COL14A1: variants seen among roughly 807,000 people sequenced by gnomAD.
The protein encoded by COL14A1 is collagen type XIV alpha 1 chain, also known as collagen alpha-1(XIV) chain.
In COL14A1, 136 loss-of-function variants were observed where a neutral mutation model predicts 230.3. That is an observed-to-expected ratio of 0.59 (90% CI 0.51 to 0.68). The LOEUF (loss-of-function observed/expected upper bound fraction) is 0.68, where lower values mean the gene tolerates loss of function less well. Among genes scored for constraint, COL14A1 ranks in the 30% least tolerant of loss-of-function variants. COL14A1 has a pLI of 0.00. For synonymous variants in COL14A1, 792 were observed against 784.1 expected, an observed-to-expected ratio of 1.01 and a Z score of -0.17; for missense variants, 1,976 against 2,215.8, an observed-to-expected ratio of 0.89 and a Z score of 2.17.
intron 34 of COL14A1, among the ~76,000 whole-genome samples, chr8:120,297,250 C>A (rs1282256291): frequency 6.6e-6 from 1 of 151,802 alleles, no homozygotes; most frequent in Non-Finnish European, 1.5e-5. Flanking sequence ...GCTAAGCTTA[C>A]TCTTTAAGTA....
intron 19 of COL14A1, among the ~76,000 whole-genome samples, chr8:120,233,559 A>C (rs1818346858): frequency 6.6e-6 from 1 of 152,140 alleles, no homozygotes; most frequent in African/African-American, 2.4e-5. Flanking sequence ...TCCCAACACC[A>C]TTTATTAAAT....
chr8:120,365,675 T>C (rs1291624412), intron 45 of COL14A1, among the ~76,000 whole-genome samples: 1 of 152,228 alleles, frequency 6.6e-6, no homozygotes, highest in Non-Finnish European at 1.5e-5. Context: ...GATGAGATGG[T>C]ATTTTTACTT....
At chr8:120,345,220 G>A (rs1041920756) in intron 44 of COL14A1, among the ~76,000 whole-genome samples, 155 bp from the exon 45 acceptor site, 1 of 152,130 alleles carries the variant, frequency 6.6e-6, no homozygotes. Flanking sequence ...GTAAAAAAAT[G>A]TTAAGCTGGA....
chr8:120,281,268 T>C (rs180732343), intron 31 of COL14A1, among the ~76,000 whole-genome samples: 98 of 152,128 alleles, frequency 6.4e-4, no homozygotes, highest in African/African-American at 2.3e-3. Context: ...TGAGACAACA[T>C]ATAAAAATGA....
At chr8:120,275,076 T>C (rs934829764) in intron 26 of COL14A1, among the ~76,000 whole-genome samples, 25 of 151,722 alleles carry the variant, frequency 1.6e-4, no homozygotes, top group African/African-American at 5.6e-4. Context: ...AGGCATCACA[T>C]TACCTGACTT....
intron 1 of COL14A1, among the ~76,000 whole-genome samples, chr8:120,139,184 A>G (rs1452064044): frequency 6.6e-6 from 1 of 152,232 alleles, no homozygotes; most frequent in Non-Finnish European, 1.5e-5. Context: ...TCTTCTACAT[A>G]AAACTCTTCT....
chr8:120,193,223 T>C lies in COL14A1; in HGVS notation c.437-3568T>C, dbSNP rs987748887. On this transcript the variant is annotated intron_variant, in intron 5 of 47. Coordinates refer to ENST00000297848, the MANE Select transcript of COL14A1 (RefSeq NM_021110.4). ...TGATGGTGATGTACGGATAGGTTTTTGGTGTGGATGTCCTTTCTGTTTGTT... is the reference window on the plus strand; with the variant it reads ...TGATGGTGATGTACGGATAGGTTTTCGGTGTGGATGTCCTTTCTGTTTGTT... Among the ~76,000 whole-genome samples, 15 of 152,312 alleles carry C rather than the reference T, an allele frequency of 9.8e-5. No individual in the cohort carries two copies. The South Asian group carries it at 1.2e-3, about 13-fold the overall frequency.
intron 5 of COL14A1, among the ~76,000 whole-genome samples, chr8:120,169,224 G>A (rs1232909749): frequency 1.3e-5 from 2 of 152,116 alleles, no homozygotes; most frequent in Admixed American, 6.6e-5. Context: ...CTGTAACAAC[G>A]TATTTCTAAC....
chr8:120,168,149 C>T lies in COL14A1; in HGVS notation c.350-12C>T, dbSNP rs1334456540. 2.0e-5 allele frequency: 32 copies of T among 1,585,698 alleles called. No individual in the cohort carries two copies. Among genetic ancestry groups the T allele is most frequent in the Non-Finnish European group, 2.7e-5 (31 of 1,157,124 alleles). On this transcript the variant is annotated splice_polypyrimidine_tract_variant and intron_variant, in intron 4 of 47. Coordinates refer to ENST00000297848, the MANE Select transcript of COL14A1 (RefSeq NM_021110.4). ...AGTATAACATGGTGCTGTATCTCTACTTTTCTTCCAGTTAAAGATTTAGAA... is the reference window on the plus strand; with the variant it reads ...AGTATAACATGGTGCTGTATCTCTATTTTTCTTCCAGTTAAAGATTTAGAA...
Position 120,262,916 on chromosome 8 carries a change from G to T in COL14A1, c.2918G>T (p.Cys973Phe), listed in dbSNP as rs146775872. 1 of 1,613,480 alleles carries T rather than the reference G, an allele frequency of 6.2e-7. No homozygotes were observed. The highest frequency in any genetic ancestry group is 1.3e-5 in the African/African-American group (1 of 74,866). ...GTGGGTGGAGGGACAACCAGGCATT[G>T]CTTCTATGGACTTCAGCCTGATTCT... The part of the protein sequence containing the change: ...STVGGGTTRH[C>F]FYGLQPDSEY... The change falls in exon 24 of 48, where the codon TGC becomes TTC. Residue 973 changes from cysteine to phenylalanine, a missense_variant. Physicochemically the swap from Cys to Phe is radical, Grantham distance 205. Coordinates refer to ENST00000297848, the MANE Select transcript of COL14A1 (RefSeq NM_021110.4).
intron 1 of COL14A1, among the ~76,000 whole-genome samples, chr8:120,128,220 T>TGTGC (rs1554595250): frequency 4.1e-5 from 5 of 122,928 alleles, no homozygotes; most frequent in Admixed American, 9.1e-5. Flanking sequence ...TGTGTGTGTG[T>TGTGC]GCGCGCGCGT....
intron 45 of COL14A1, among the ~76,000 whole-genome samples, chr8:120,349,371 A>G (rs1016359203): frequency 6.6e-5 from 10 of 150,980 alleles, no homozygotes; most frequent in African/African-American, 2.2e-4. Context: ...CAGCAACAGA[A>G]CAAAGCTGGG....
Position 120,280,109 on chromosome 8 carries a change from T to G in COL14A1, c.3646+10T>G. The G allele has an allele frequency of 6.2e-7, 1 of 1,613,462 alleles. No homozygotes were observed. The highest frequency in any genetic ancestry group is 2.2e-5 in the East Asian group (1 of 44,862). On this transcript the variant is annotated intron_variant, in intron 29 of 47. Transcript: ENST00000297848. ...GAAACAGCATCAGCAAGTTAGTTCT[T>G]TGGAATTTGTACTTACTCATGTTGC...
At chr8:120,213,797 G>A (rs1817675666) in intron 13 of COL14A1, 3 of 220,404 alleles carry the variant, frequency 1.4e-5, no homozygotes, top group Non-Finnish European at 2.7e-5. Context: ...CCTGAGGCTG[G>A]CATTTTTATG....
At position 120,262,997 on chromosome 8, in the gene COL14A1, G is replaced by A. The variant is rs764116541; in HGVS notation, c.2999G>A (p.Ser1000Asn). Reference protein sequence around the residue: ...KLQEIEGPSVSIMEKTQSLPT... With the variant: ...KLQEIEGPSVNIMEKTQSLPT... The stretch of plus-strand genomic sequence containing the variant: ...CAGGAGATTGAAGGACCTAGTGTGA[G>A]CATAATGGAAAAAACACGTAAGTCA... The change falls in exon 24 of 48, where the codon AGC becomes AAC. Residue 1000 changes from serine to asparagine, a missense_variant. By Grantham distance (46) the Ser-to-Asn change is conservative. Transcript: ENST00000297848. 1.9e-6 allele frequency: 3 copies of A among 1,605,648 alleles called. No individual in the cohort carries two copies. Among genetic ancestry groups the A allele is most frequent in the Admixed American group, 1.7e-5 (1 of 58,036 alleles).
intron 36 of COL14A1, among the ~76,000 whole-genome samples, chr8:120,301,536 G>C (rs1820710726): frequency 6.6e-6 from 1 of 151,990 alleles, no homozygotes; most frequent in South Asian, 2.1e-4. Context: ...ACATGATCTT[G>C]ATCTTTTTTA....
At position 120,247,665 on chromosome 8, in the gene COL14A1, G is replaced by A. The variant is rs765594773; in HGVS notation, c.2532G>A (p.Arg844=). ...GGGTGTCCGAGGAATGGTATAACCG[G>A]TTGCGCATTACGTGGGACCCCCCAT... ...NLRVSEEWYN[R]LRITWDPPSS... Residue 844 remains arginine, a synonymous_variant, in exon 21 of 48, where the codon CGG becomes CGA. Coordinates refer to ENST00000297848, the MANE Select transcript of COL14A1 (RefSeq NM_021110.4). The A allele has an allele frequency of 1.2e-6, 2 of 1,614,152 alleles. No individual in the cohort carries two copies. The highest frequency in any genetic ancestry group is 1.7e-5 in the Admixed American group (1 of 60,016).
chr8:120,187,089 T>G (rs190152408), intron 5 of COL14A1, among the ~76,000 whole-genome samples: 1 of 152,170 alleles, frequency 6.6e-6, no homozygotes, highest in Non-Finnish European at 1.5e-5. Context: ...GCAGCAAAAG[T>G]TATCTTCTGT....
chr8:120,369,044 A>G (rs536235292), intron 46 of COL14A1, among the ~76,000 whole-genome samples: 4 of 152,304 alleles, frequency 2.6e-5, no homozygotes, highest in African/African-American at 9.6e-5. Flanking sequence ...TTGATAATGG[A>G]AGGTTCCTTT....
Sources: gnomAD v4.1 joint callset for allele counts (sites outside exome capture counted in the v4.1 genomes callset) on GRCh38, gnomAD v4.1.1 for gene constraint, MANE v1.5 for transcripts, NCBI Gene and HGNC (gene_info 2026-07-23, HGNC 2026-07-21) for gene names.